The following OCA2 variants were observed in gnomAD, a reference collection of about 807,000 sequenced individuals.
The protein encoded by OCA2 is P protein.
Under a neutral mutation model 100.2 loss-of-function variants are expected in OCA2, and 77 were observed. That is an observed-to-expected ratio of 0.77 (90% CI 0.64 to 0.93). The LOEUF is 0.93. Among genes scored for constraint, OCA2 ranks in the 40% least tolerant of loss-of-function variants. The probability of loss-of-function intolerance (pLI) is 0.00; values close to 1 mark genes in which losing one functional copy is unlikely to be tolerated. For synonymous variants in OCA2, 432 were observed against 439.2 expected, an observed-to-expected ratio of 0.98 and a Z score of 0.21; for missense variants, 1,062 against 1,089.1, an observed-to-expected ratio of 0.98 and a Z score of 0.35.
chr15:27,854,099 C>A (rs145588824), intron 21 of OCA2, among the ~76,000 whole-genome samples: 2 of 152,220 alleles, frequency 1.3e-5, no homozygotes, highest in Non-Finnish European at 2.9e-5. Context: ...CTCCTCCCCA[C>A]CCCAGATTCT....
chr15:27,983,286 G>C lies in OCA2; in HGVS notation c.1503+59C>G, dbSNP rs2041227032. The C allele has an allele frequency of 1.9e-6, 3 of 1,605,232 alleles. No individual in the cohort carries two copies. In the Admixed American group the frequency reaches 5.0e-5, roughly 27 times the overall value. On this transcript the variant is annotated intron_variant, in intron 14 of 23. Coordinates refer to ENST00000354638, the MANE Select transcript of OCA2 (RefSeq NM_000275.3). ...AACAAAGGCGTCCATGTGGGGTAGAGCTCTAACTAAGTGGAGGTGTGCGTT... is the reference window on the plus strand; with the variant it reads ...AACAAAGGCGTCCATGTGGGGTAGACCTCTAACTAAGTGGAGGTGTGCGTT...
At chr15:27,974,505 G>A (rs2040903257) in intron 14 of OCA2, among the ~76,000 whole-genome samples, 2 of 152,192 alleles carry the variant, frequency 1.3e-5, no homozygotes, top group African/African-American at 4.8e-5. Flanking sequence ...GGCGGCTCAT[G>A]CCTATAATCT....
intron 1 of OCA2, among the ~76,000 whole-genome samples, chr15:28,091,013 T>C (rs1160482693): frequency 6.6e-6 from 1 of 152,130 alleles, no homozygotes; most frequent in Non-Finnish European, 1.5e-5. Context: ...GGAAATACCA[T>C]TACAGACCCT....
chr15:27,935,280 C>T (rs111626788), intron 18 of OCA2, among the ~76,000 whole-genome samples: 9 of 152,286 alleles, frequency 5.9e-5, no homozygotes, highest in African/African-American at 2.2e-4. Context: ...CTATCAAACG[C>T]TTTCCTCGAG....
intron 23 of OCA2, among the ~76,000 whole-genome samples, chr15:27,840,859 T>C (rs1197142825): frequency 6.6e-6 from 1 of 152,188 alleles, no homozygotes; most frequent in Non-Finnish European, 1.5e-5. Context: ...GAAAAACATC[T>C]AGGGCTAGGC....
chr15:28,077,397 G>A (rs570757653), intron 2 of OCA2, among the ~76,000 whole-genome samples: 64 of 152,230 alleles, frequency 4.2e-4, no homozygotes, highest in African/African-American at 1.3e-3. Context: ...TAGCATATTA[G>A]ATTAAAAAAT....
chr15:27,734,867 C>T, the OCA2 span, among the ~76,000 whole-genome samples: 2 of 152,160 alleles, frequency 1.3e-5, no homozygotes, highest in South Asian at 2.1e-4. Flanking sequence ...AACGGCTTTT[C>T]CAGAGAAAGT....
intron 2 of OCA2, among the ~76,000 whole-genome samples, chr15:28,071,976 A>G (rs2044274009): frequency 6.6e-6 from 1 of 152,222 alleles, no homozygotes; most frequent in Non-Finnish European, 1.5e-5. Context: ...GTAAACAGAC[A>G]ACCTACAGAA....
At chr15:28,059,012 A>G (rs1005116546) in intron 2 of OCA2, among the ~76,000 whole-genome samples, 1 of 152,202 alleles carries the variant, frequency 6.6e-6, no homozygotes, top group Non-Finnish European at 1.5e-5. Context: ...GGGTCCAGAG[A>G]GCGCTCAGTG....
chr15:27,966,630 T>C, intron 15 of OCA2, 60 bp downstream of exon 15: 1 of 1,599,680 alleles, frequency 6.3e-7, no homozygotes, highest in Non-Finnish European at 8.6e-7. Context: ...CTTCTCCTGG[T>C]AAACAAACAA....
At chr15:28,020,380 T>G (rs2042555799) in intron 6 of OCA2, among the ~76,000 whole-genome samples, 1 of 152,172 alleles carries the variant, frequency 6.6e-6, no homozygotes, top group Non-Finnish European at 1.5e-5. Context: ...TTGGTGCCAG[T>G]GTTCCCCGAA....
At chr15:27,932,561 G>A (rs1405316425) in intron 18 of OCA2, among the ~76,000 whole-genome samples, 3 of 152,300 alleles carry the variant, frequency 2.0e-5, no homozygotes, top group South Asian at 4.1e-4. Flanking sequence ...AGAAAAGACT[G>A]GAGAATTCCC....
intron 20 of OCA2, 90 bp from the exon 21 acceptor site, chr15:27,871,348 T>A: frequency 1.1e-6 from 1 of 919,504 alleles, no homozygotes; most frequent in South Asian, 1.4e-5. Flanking sequence ...GGCCCGAGGG[T>A]GTTAGTCCTT....
At chr15:27,852,792 C>A (rs1309274307) in intron 21 of OCA2, among the ~76,000 whole-genome samples, 2 of 127,060 alleles carry the variant, frequency 1.6e-5, no homozygotes, top group African/African-American at 5.6e-5. Context: ...CAAAAGAAGA[C>A]ATTTATGCAG....
intron 23 of OCA2, among the ~76,000 whole-genome samples, chr15:27,770,320 A>G (rs2031621838): frequency 6.6e-6 from 1 of 152,130 alleles, no homozygotes; most frequent in Non-Finnish European, 1.5e-5. Context: ...GGGAGGGGCC[A>G]GGGACGGGCA....
At chr15:27,851,270 C>T in intron 22 of OCA2, 112 bp downstream of exon 22, 1 of 893,480 alleles carries the variant, frequency 1.1e-6, no homozygotes. Flanking sequence ...CTCAGGAAAT[C>T]ATCCAGACTC....
intron 18 of OCA2, among the ~76,000 whole-genome samples, chr15:27,933,953 T>C (rs1026370915): frequency 2.0e-5 from 3 of 152,180 alleles, no homozygotes; most frequent in Non-Finnish European, 4.4e-5. Flanking sequence ...ATGTGTTATA[T>C]ACATATCACA....
intron 23 of OCA2, among the ~76,000 whole-genome samples, chr15:27,823,693 T>C (rs1178355984): frequency 6.6e-6 from 1 of 152,146 alleles, no homozygotes; most frequent in Non-Finnish European, 1.5e-5. Flanking sequence ...ATTAGCAAAA[T>C]TAACACTCTC....
At chr15:27,742,566 C>T in the OCA2 span, among the ~76,000 whole-genome samples, 1 of 152,140 alleles carries the variant, frequency 6.6e-6, no homozygotes, top group Non-Finnish European at 1.5e-5. Context: ...ATGGAGGATG[C>T]AGCACCGGGC....
Sources: gnomAD v4.1 joint callset for allele counts (sites outside exome capture counted in the v4.1 genomes callset) on GRCh38, gnomAD v4.1.1 for gene constraint, MANE v1.5 for transcripts, NCBI Gene and HGNC (gene_info 2026-07-23, HGNC 2026-07-21) for gene names.